MAGI2: variants seen among roughly 807,000 people sequenced by gnomAD.
MAGI2 encodes the protein membrane associated guanylate kinase, WW and PDZ domain containing 2, also known as membrane-associated guanylate kinase, WW and PDZ domain-containing protein 2.
Under a neutral mutation model 133.3 loss-of-function variants are expected in MAGI2, and 35 were observed. That is an observed-to-expected ratio of 0.26 (90% confidence interval 0.20 to 0.35). The LOEUF (loss-of-function observed/expected upper bound fraction) is 0.35. Ranked by LOEUF, MAGI2 falls within the 10% of genes least tolerant of loss-of-function variation. The probability of loss-of-function intolerance (pLI) is 1.00; values close to 1 mark genes in which losing one functional copy is unlikely to be tolerated. For synonymous variants in MAGI2, 729 were observed against 710.6 expected, an observed-to-expected ratio of 1.03 and a Z score of -0.41; for missense variants, 1,636 against 1,863.4, an observed-to-expected ratio of 0.88 and a Z score of 2.25.
intron 1 of MAGI2, among the ~76,000 whole-genome samples, chr7:79,058,088 G>T (rs1353717078): frequency 6.6e-6 from 1 of 151,762 alleles, no homozygotes; most frequent in Non-Finnish European, 1.5e-5. Flanking sequence ...AGAAACAGAG[G>T]AAGTGGTGGA....
At chr7:79,122,880 C>G (rs979426865) in intron 1 of MAGI2, among the ~76,000 whole-genome samples, 4 of 152,048 alleles carry the variant, frequency 2.6e-5, no homozygotes, top group Non-Finnish European at 1.5e-5. Context: ...TTAGTAGGGT[C>G]AGGGTTTCCC....
chr7:78,697,060 C>G (rs1032243265), intron 2 of MAGI2, among the ~76,000 whole-genome samples: 2 of 152,194 alleles, frequency 1.3e-5, no homozygotes, highest in Non-Finnish European at 2.9e-5. Context: ...GCTGTTATCA[C>G]AAGGTGAAAC....
At chr7:79,384,639 C>T (rs536037470) in intron 1 of MAGI2, among the ~76,000 whole-genome samples, 2 of 151,608 alleles carry the variant, frequency 1.3e-5, no homozygotes, top group South Asian at 4.2e-4. Context: ...GATGGTTTCA[C>T]AGGTAAATAT....
chr7:78,942,084 A>G (rs549582487), intron 2 of MAGI2, among the ~76,000 whole-genome samples: 1 of 152,242 alleles, frequency 6.6e-6, no homozygotes, highest in African/African-American at 2.4e-5. Flanking sequence ...GAAAGAAAAA[A>G]TGTTATATTT....
rs895716544 is a variant in MAGI2, at chr7:79,001,984, C to A, written c.418+5106G>T. Among the ~76,000 whole-genome samples the A allele has an allele frequency of 5.9e-5, 9 of 152,220 alleles. No individual in the cohort carries two copies. The East Asian group carries it at 1.4e-3, about 23-fold the overall frequency. On this transcript the variant is annotated intron_variant, in intron 2 of 21. Transcript: ENST00000354212. ...TCTATATATGTTTTTCATGGTTAGT[C>A]TTTATCACATTCTAGATGACAACGG...
intron 13 of MAGI2, among the ~76,000 whole-genome samples, chr7:78,181,794 C>T (rs1175614335): frequency 1.3e-5 from 2 of 152,190 alleles, no homozygotes; most frequent in Non-Finnish European, 2.9e-5. Flanking sequence ...ATCAGGACAA[C>T]CTCTCTCATA....
intron 1 of MAGI2, among the ~76,000 whole-genome samples, chr7:79,390,093 G>A (rs1269640824): frequency 6.6e-6 from 1 of 152,176 alleles, no homozygotes; most frequent in Non-Finnish European, 1.5e-5. Flanking sequence ...TTAGATGTGT[G>A]TTCAGAGAAG....
At chr7:78,537,140 A>G (rs1240911121) in intron 3 of MAGI2, among the ~76,000 whole-genome samples, 1 of 150,718 alleles carries the variant, frequency 6.6e-6, no homozygotes, top group Non-Finnish European at 1.5e-5. Flanking sequence ...CCATTATTTC[A>G]TTCCTTTTTA....
intron 4 of MAGI2, among the ~76,000 whole-genome samples, chr7:78,508,495 T>C (rs963289194): frequency 6.6e-6 from 1 of 152,184 alleles, no homozygotes; most frequent in African/African-American, 2.4e-5. Flanking sequence ...TGACATATAT[T>C]GGATATTGTG....
In MAGI2 at chr7:79,077,592, A is replaced by AT. The variant is rs71095376; in HGVS notation, c.302-70387_302-70386insA. 5.7e-3 allele frequency among the ~76,000 whole-genome samples: 721 copies of AT among 126,864 alleles called. 10 individuals carry two copies. Among genetic ancestry groups the AT allele is most frequent in the South Asian group, 0.014 (54 of 3,858 alleles). 83.2% of individuals were successfully genotyped at this position (126,864 alleles called of 152,430 possible). On this transcript the variant is annotated intron_variant, in intron 1 of 21. Coordinates refer to ENST00000354212, the MANE Select transcript of MAGI2 (RefSeq NM_012301.4). ...TGCCTCTCAAAAAAAAAAAAAAAAAAAAATAAATAAATAAATAAATTCCCT... is the reference window on the plus strand; with the variant it reads ...TGCCTCTCAAAAAAAAAAAAAAAAAATAAATAAATAAATAAATAAATTCCCT...
Position 79,403,560 on chromosome 7 carries a change from T to C in MAGI2, c.301+49460A>G, listed in dbSNP as rs1164990304. On this transcript the variant is annotated intron_variant, in intron 1 of 21. Coordinates refer to ENST00000354212, the MANE Select transcript of MAGI2 (RefSeq NM_012301.4). ...TAACCACAGTCAAAATTTTATGAAC[T>C]CTTTCCAGAAAGCACAGTATTGAAT... Among the ~76,000 whole-genome samples, 4 of 152,252 alleles carry C rather than the reference T, an allele frequency of 2.6e-5. No individual in the cohort carries two copies. In the East Asian group the frequency reaches 7.7e-4, roughly 29 times the overall value.
chr7:78,044,031 A>G (rs915321332), intron 21 of MAGI2, among the ~76,000 whole-genome samples: 4 of 152,206 alleles, frequency 2.6e-5, no homozygotes, highest in Admixed American at 2.6e-4. Flanking sequence ...TAGCATGATT[A>G]AAGGTAAATG....
chr7:78,392,323 G>C (rs1795967497), intron 6 of MAGI2, among the ~76,000 whole-genome samples: 1 of 152,094 alleles, frequency 6.6e-6, no homozygotes. Context: ...AATAGAAGTG[G>C]GGGCTGTTAG....
rs371372081 is a variant in MAGI2 at position 78,895,079 on chromosome 7, C to T, written c.418+112011G>A. 8.5e-5 allele frequency among the ~76,000 whole-genome samples: 13 copies of T among 152,124 alleles called. 1 individual carries two copies. The highest frequency in any genetic ancestry group is 7.8e-4 in the East Asian group (4 of 5,152). ...CATGAATGGACTAGTCCATTCATGGCTTCATGGATTAATGGGTTAATGAAT... is the reference window on the plus strand; with the variant it reads ...CATGAATGGACTAGTCCATTCATGGTTTCATGGATTAATGGGTTAATGAAT... On this transcript the variant is annotated intron_variant, in intron 2 of 21. Coordinates refer to ENST00000354212, the MANE Select transcript of MAGI2 (RefSeq NM_012301.4).
At chr7:78,687,107 A>G (rs1816405120) in intron 2 of MAGI2, among the ~76,000 whole-genome samples, 1 of 152,168 alleles carries the variant, frequency 6.6e-6, no homozygotes, top group Non-Finnish European at 1.5e-5. Context: ...TTTGTAGGTG[A>G]GACTAGGGAA....
intron 2 of MAGI2, among the ~76,000 whole-genome samples, chr7:78,960,696 A>G (rs1802761952): frequency 6.6e-6 from 1 of 152,130 alleles, no homozygotes; most frequent in Admixed American, 6.6e-5. Flanking sequence ...AGTCTTTTAC[A>G]CTGATAATAA....
intron 1 of MAGI2, among the ~76,000 whole-genome samples, chr7:79,311,189 C>G (rs1838263374): frequency 6.6e-6 from 1 of 152,030 alleles, no homozygotes; most frequent in Non-Finnish European, 1.5e-5. Context: ...ATTCTGAGTT[C>G]CCATCTCACA....
intron 13 of MAGI2, among the ~76,000 whole-genome samples, chr7:78,181,775 C>T (rs1036780737): frequency 2.0e-5 from 3 of 152,182 alleles, no homozygotes; most frequent in African/African-American, 7.2e-5. Flanking sequence ...ATGGTGAGCA[C>T]ATCCAGGTAT....
intron 1 of MAGI2, among the ~76,000 whole-genome samples, chr7:79,037,025 C>G (rs1172832351): frequency 5.9e-5 from 9 of 152,160 alleles, no homozygotes; most frequent in African/African-American, 2.2e-4. Flanking sequence ...CAAGATAAAA[C>G]TTTACATTGA....
Sources: gnomAD v4.1 joint callset for allele counts (sites outside exome capture counted in the v4.1 genomes callset) on GRCh38, gnomAD v4.1.1 for gene constraint, MANE v1.5 for transcripts, NCBI Gene and HGNC (gene_info 2026-07-23, HGNC 2026-07-21) for gene names.